The following SORCS2 variants were observed in gnomAD, a reference collection of about 807,000 sequenced individuals.
SORCS2 encodes the protein sortilin related VPS10 domain containing receptor 2, also known as VPS10 domain-containing receptor SorCS2.
Under a neutral mutation model 141.6 loss-of-function variants are expected in SORCS2, and 100 were observed. That is an observed-to-expected ratio of 0.71 (90% CI 0.60 to 0.83). The LOEUF (loss-of-function observed/expected upper bound fraction) is 0.83. SORCS2 is among the 40% of genes least tolerant of loss of function. SORCS2 has a pLI of 0.00. For synonymous variants in SORCS2, 789 were observed against 676.9 expected, an observed-to-expected ratio of 1.17 and a Z score of -2.57; for missense variants, 1,646 against 1,560.2, an observed-to-expected ratio of 1.05 and a Z score of -0.93.
At chr4:7,647,692 G>A (rs556251261) in intron 4 of SORCS2, among the ~76,000 whole-genome samples, 1 of 152,328 alleles carries the variant, frequency 6.6e-6, no homozygotes, top group African/African-American at 2.4e-5. Context: ...GACGAGGAGG[G>A]CAGGGGGGTC....
intron 8 of SORCS2, 61 bp from the exon 9 acceptor site, chr4:7,675,989 T>C: frequency 6.5e-7 from 1 of 1,531,638 alleles, no homozygotes; most frequent in Non-Finnish European, 8.8e-7. Flanking sequence ...AGCCTGCTTC[T>C]TCCTCCCTCG....
chr4:7,303,468 A>T (rs927256830), intron 1 of SORCS2, among the ~76,000 whole-genome samples: 1 of 152,204 alleles, frequency 6.6e-6, no homozygotes, highest in Non-Finnish European at 1.5e-5. Flanking sequence ...AGATGCATTA[A>T]GTATGAACTG....
At chr4:7,730,679 G>C (rs1055224328) in intron 23 of SORCS2, among the ~76,000 whole-genome samples, 1 of 152,206 alleles carries the variant, frequency 6.6e-6, no homozygotes, top group African/African-American at 2.4e-5. Context: ...GAAATGCCCA[G>C]AACAGGCAAA....
Position 7,543,374 on chromosome 4 carries a change from T to G in SORCS2, c.648+11745T>G, listed in dbSNP as rs868567573. ...ATCCTCCCACCCACCTATCCGTTGA[T>G]TCATACATCCACCCACCCATCCATC... On this transcript the variant is annotated intron_variant, in intron 3 of 26. Coordinates refer to ENST00000507866, the MANE Select transcript of SORCS2 (RefSeq NM_020777.3). Among the ~76,000 whole-genome samples, 3 of 151,688 alleles carry G rather than the reference T, an allele frequency of 2.0e-5. No homozygotes were observed. In the South Asian group the frequency reaches 6.3e-4, roughly 32 times the overall value.
intron 12 of SORCS2, among the ~76,000 whole-genome samples, chr4:7,701,134 T>G (rs1354567843): frequency 6.6e-6 from 1 of 151,404 alleles, no homozygotes; most frequent in Non-Finnish European, 1.5e-5. Flanking sequence ...CCCCTCTGTG[T>G]CATTTGGCAT....
chr4:7,248,150 C>G (rs988422166), intron 1 of SORCS2, among the ~76,000 whole-genome samples: 4 of 152,220 alleles, frequency 2.6e-5, no homozygotes, highest in African/African-American at 9.6e-5. Flanking sequence ...GTGTGGCCCC[C>G]CTACCGAGGG....
chr4:7,737,230 A>G, intron 26 of SORCS2, 58 bp downstream of exon 26: 1 of 1,544,438 alleles, frequency 6.5e-7, no homozygotes. Context: ...GTCCGCCCCA[A>G]ACCCACCCCG....
chr4:7,571,883 C>T (rs1023221627), intron 3 of SORCS2, among the ~76,000 whole-genome samples: 6 of 152,202 alleles, frequency 3.9e-5, no homozygotes, highest in Admixed American at 2.6e-4. Flanking sequence ...GTCGACCCCC[C>T]TCGCGGTGCC....
intron 3 of SORCS2, among the ~76,000 whole-genome samples, chr4:7,542,317 A>G (rs1184615144): frequency 6.6e-6 from 1 of 152,184 alleles, no homozygotes; most frequent in Non-Finnish European, 1.5e-5. Context: ...ATCCCTGCCA[A>G]TGTGTCCTTC....
chr4:7,564,759 G>T (rs541492516), intron 3 of SORCS2, among the ~76,000 whole-genome samples: 155 of 152,338 alleles, frequency 1.0e-3, no homozygotes, highest in African/African-American at 3.5e-3. Flanking sequence ...CAGAAGACAG[G>T]CCCCATGCCA....
intron 4 of SORCS2, among the ~76,000 whole-genome samples, chr4:7,640,249 TGA>T (rs1235247938): frequency 1.4e-5 from 2 of 146,408 alleles, no homozygotes; most frequent in Non-Finnish European, 3.0e-5. Flanking sequence ...AGAACCTATG[TGA>T]GTGTGTATGT....
intron 1 of SORCS2, among the ~76,000 whole-genome samples, chr4:7,317,672 G>A (rs1458671531): frequency 1.4e-5 from 1 of 72,478 alleles, no homozygotes; most frequent in African/African-American, 5.5e-5. Flanking sequence ...CAGGGCTGAG[G>A]CTTAGGACTT....
chr4:7,458,542 G>GA (rs1729071418), intron 2 of SORCS2, among the ~76,000 whole-genome samples: 1 of 152,220 alleles, frequency 6.6e-6, no homozygotes, highest in South Asian at 2.1e-4. Context: ...TTTCAGGTTA[G>GA]ACTTCATTTT....
intron 3 of SORCS2, among the ~76,000 whole-genome samples, chr4:7,536,215 C>G (rs1712114934): frequency 6.6e-6 from 1 of 152,174 alleles, no homozygotes; most frequent in African/African-American, 2.4e-5. Flanking sequence ...TAGGCAAGTT[C>G]CTAATCTGCC....
At chr4:7,625,377 C>G (rs1719450593) in intron 3 of SORCS2, among the ~76,000 whole-genome samples, 1 of 152,088 alleles carries the variant, frequency 6.6e-6, no homozygotes, top group Admixed American at 6.5e-5. Flanking sequence ...GCTTCTGTTT[C>G]TTTGTCTGTA....
At chr4:7,317,026 T>C (rs1459328008) in intron 1 of SORCS2, among the ~76,000 whole-genome samples, 1 of 152,156 alleles carries the variant, frequency 6.6e-6, no homozygotes, top group African/African-American at 2.4e-5. Context: ...GAGACCCTGT[T>C]ACTCTCTCCA....
chr4:7,539,680 A>ACCCCCGTTATGGAGGCCCCG (rs146016669), intron 3 of SORCS2, among the ~76,000 whole-genome samples: 1 of 134,228 alleles, frequency 7.5e-6, no homozygotes, highest in Admixed American at 7.6e-5. Context: ...CAAGGCCCCG[A>ACCCCCGTTATGGAGGCCCCG]CCCCCGTTAT....
chr4:7,441,513 C>T (rs141605212), intron 2 of SORCS2, among the ~76,000 whole-genome samples: 150 of 152,036 alleles, frequency 9.9e-4, no homozygotes, highest in African/African-American at 3.2e-3. Context: ...AGGCGCAGGC[C>T]GGCAGGAGAG....
chr4:7,667,372 C>T (rs1299492066), intron 8 of SORCS2, among the ~76,000 whole-genome samples, 159 bp downstream of exon 8: 3 of 152,312 alleles, frequency 2.0e-5, no homozygotes, highest in South Asian at 2.1e-4. Context: ...CCCTCACACC[C>T]TCCATTCCAG....
Sources: allele counts gnomAD v4.1 joint callset (sites outside exome capture counted in the v4.1 genomes callset), GRCh38; gene constraint gnomAD v4.1.1; transcripts MANE v1.5; gene names NCBI Gene and HGNC (gene_info 2026-07-23, HGNC 2026-07-21).